The following PTP4A1 variants were observed in gnomAD, a reference collection of about 807,000 sequenced individuals.
The protein encoded by PTP4A1 is protein tyrosine phosphatase 4A1, also known as protein tyrosine phosphatase type IVA 1.
Under a neutral mutation model 20.5 loss-of-function variants are expected in PTP4A1, and 9 were observed. The observed-to-expected ratio is 0.44, with a 90% CI of 0.26 to 0.77. The LOEUF is 0.77. Among genes scored for constraint, PTP4A1 ranks in the 30% least tolerant of loss-of-function variants. PTP4A1 has a pLI of 0.19. For synonymous variants in PTP4A1, 78 were observed against 67.4 expected (o/e 1.16, Z -0.77); for missense variants, 137 against 218.8 (o/e 0.63, Z 2.36).
chr6:63,570,203 TG>T (rs1777357530), upstream of PTP4A1, among the ~76,000 whole-genome samples: 1 of 152,134 alleles, frequency 6.6e-6, no homozygotes, highest in Non-Finnish European at 1.5e-5. Flanking sequence ...TGGTGGCAGG[TG>T]GCTGTAATCC....
chr6:63,550,869 G>A (rs529568467), intron 3 of PTP4A1, among the ~76,000 whole-genome samples: 2 of 152,136 alleles, frequency 1.3e-5, no homozygotes, highest in South Asian at 2.1e-4. Context: ...CAGGTGATCC[G>A]CCTGCCTCGG....
rs1212476277 is a variant in PTP4A1, at chr6:63,583,088, C to A, written c.*2914C>A. On this transcript the variant is annotated 3_prime_UTR_variant, in exon 6 of 6. Coordinates refer to ENST00000626021, the MANE Select transcript of PTP4A1 (RefSeq NM_003463.5). ...GATGGTGTCACCAGATTTTGGTCAC[C>A]AATGAGTACCCGACCCGTTGCCATG... The A allele has an allele frequency of 1.3e-5, 2 of 152,106 alleles. No individual in the cohort carries two copies. The highest frequency in any genetic ancestry group is 2.9e-5 in the Non-Finnish European group (2 of 68,014). The allele number at this position is 152,106 out of a possible 1,614,324, so 9.4% of individuals were successfully genotyped here.
intron 3 of PTP4A1, among the ~76,000 whole-genome samples, chr6:63,554,935 C>T (rs564077279): frequency 1.3e-5 from 2 of 152,324 alleles, no homozygotes; most frequent in South Asian, 4.1e-4. Flanking sequence ...ATGTTAGAAT[C>T]ATACAAAGAG....
At chr6:63,535,490 T>C (rs1486915180) in intron 2 of PTP4A1, among the ~76,000 whole-genome samples, 1 of 152,062 alleles carries the variant, frequency 6.6e-6, no homozygotes, top group Non-Finnish European at 1.5e-5. Context: ...AAAGCAATAA[T>C]ATGCATTTCC....
intron 2 of PTP4A1, among the ~76,000 whole-genome samples, chr6:63,532,163 A>T (rs1399920203): frequency 6.6e-6 from 1 of 152,260 alleles, no homozygotes; most frequent in African/African-American, 2.4e-5. Flanking sequence ...AGAAAAAATT[A>T]GAAATAACAA....
At chr6:63,558,539 G>T (rs949965933) in intron 3 of PTP4A1, among the ~76,000 whole-genome samples, 1 of 152,140 alleles carries the variant, frequency 6.6e-6, no homozygotes, top group Non-Finnish European at 1.5e-5. Context: ...AAATGAACAG[G>T]TCTCATGGGG....
At chr6:63,565,312 T>G (rs1276617115) in intron 3 of PTP4A1, among the ~76,000 whole-genome samples, 2 of 152,096 alleles carry the variant, frequency 1.3e-5, no homozygotes, top group African/African-American at 2.4e-5. Flanking sequence ...TGAATACACA[T>G]TCTCATTTGA....
intron 2 of PTP4A1, among the ~76,000 whole-genome samples, chr6:63,540,412 G>T (rs917972687): frequency 2.0e-5 from 3 of 152,168 alleles, no homozygotes; most frequent in Non-Finnish European, 4.4e-5. Context: ...CTTGAGGTCA[G>T]GAGTTTGAGA....
rs966342134 is a variant in PTP4A1 at position 63,549,561 on chromosome 6, T to A, written c.-639-739T>A. On this transcript the variant is annotated intron_variant, in intron 2 of 3. Transcript: ENST00000639568. ...TAAAGGTGATAAATGTTGACAAGATTTGAAGTTTTTTTTTTTAAAGAAAAC... is the reference window on the plus strand; with the variant it reads ...TAAAGGTGATAAATGTTGACAAGATATGAAGTTTTTTTTTTTAAAGAAAAC... 1.1e-4 allele frequency: 70 copies of A among 610,234 alleles called. No individual in the cohort carries two copies. The South Asian group carries it at 1.4e-3, about 12-fold the overall frequency. 37.8% of individuals were successfully genotyped at this position (610,234 alleles called of 1,614,324 possible).
intron 3 of PTP4A1, among the ~76,000 whole-genome samples, chr6:63,560,093 C>T (rs1173586042): frequency 1.3e-5 from 2 of 152,056 alleles, no homozygotes; most frequent in African/African-American, 4.8e-5. Flanking sequence ...TCATCATTTA[C>T]AATAGTGCCT....
At chr6:63,541,806 A>G (rs1775987124) in intron 2 of PTP4A1, among the ~76,000 whole-genome samples, 1 of 152,040 alleles carries the variant, frequency 6.6e-6, no homozygotes, top group African/African-American at 2.4e-5. Flanking sequence ...CTGAAAGCCA[A>G]CCTCCTTACA....
intron 3 of PTP4A1, among the ~76,000 whole-genome samples, chr6:63,563,104 TTG>T: frequency 6.6e-6 from 1 of 152,234 alleles, no homozygotes; most frequent in South Asian, 2.1e-4. Flanking sequence ...TGTCTTCCAT[TTG>T]ACAAGGCAGG....
chr6:63,577,701 C>T (rs1410687926), intron 2 of PTP4A1, among the ~76,000 whole-genome samples: 1 of 152,108 alleles, frequency 6.6e-6, no homozygotes, highest in Non-Finnish European at 1.5e-5. Context: ...AGACTACAGG[C>T]GTACGCCACC....
upstream of PTP4A1, chr6:63,571,046 T>G (rs1393360971): frequency 6.6e-6 from 1 of 152,230 alleles, no homozygotes; most frequent in Non-Finnish European, 1.5e-5. Context: ...GACATATTTC[T>G]CAAGTGTGCT....
intron 3 of PTP4A1, among the ~76,000 whole-genome samples, chr6:63,550,869 G>C (rs529568467): frequency 6.6e-6 from 1 of 152,020 alleles, no homozygotes; most frequent in Non-Finnish European, 1.5e-5. Context: ...CAGGTGATCC[G>C]CCTGCCTCGG....
At chr6:63,541,096 G>A (rs1775953693) in intron 2 of PTP4A1, among the ~76,000 whole-genome samples, 1 of 152,048 alleles carries the variant, frequency 6.6e-6, no homozygotes, top group East Asian at 1.9e-4. Flanking sequence ...TGAATAGTGT[G>A]CCCTAAACTA....
chr6:63,517,290 A>G (rs984080604), upstream of PTP4A1, among the ~76,000 whole-genome samples: 2 of 152,196 alleles, frequency 1.3e-5, no homozygotes, highest in Non-Finnish European at 2.9e-5. Flanking sequence ...CCTGAGAAGC[A>G]ATTTTTGATG....
chr6:63,531,090 GA>G (rs1343877606), intron 2 of PTP4A1, among the ~76,000 whole-genome samples: 1 of 152,142 alleles, frequency 6.6e-6, no homozygotes, highest in Non-Finnish European at 1.5e-5. Context: ...TCCAAAGATA[GA>G]TCAGGTTTCA....
chr6:63,555,316 G>T (rs536492118), intron 3 of PTP4A1, among the ~76,000 whole-genome samples: 1 of 152,298 alleles, frequency 6.6e-6, no homozygotes, highest in South Asian at 2.1e-4. Flanking sequence ...ACTTCGGAGA[G>T]TTCCCTGGAA....
Sources: allele counts gnomAD v4.1 joint callset (sites outside exome capture counted in the v4.1 genomes callset), GRCh38; gene constraint gnomAD v4.1.1; transcripts MANE v1.5; gene names NCBI Gene and HGNC (gene_info 2026-07-23, HGNC 2026-07-21).